Variants in PDE10A observed in about 807,000 individuals in gnomAD.
PDE10A encodes the protein phosphodiesterase 10A, also known as cAMP and cAMP-inhibited cGMP 3',5'-cyclic phosphodiesterase 10A.
A neutral mutation model predicts 97.7 loss-of-function variants in PDE10A; 39 were observed. That is an observed-to-expected ratio of 0.40 (90% CI 0.31 to 0.52). The LOEUF (loss-of-function observed/expected upper bound fraction) is 0.52. Among genes scored for constraint, PDE10A ranks in the 20% least tolerant of loss-of-function variants. The pLI is 0.56. For synonymous variants in PDE10A, 371 were observed against 376.8 expected, an observed-to-expected ratio of 0.98 and a Z score of 0.18; for missense variants, 731 against 1,047.8, an observed-to-expected ratio of 0.70 and a Z score of 4.17.
chr6:165,721,638 C>T (rs1792169970), intron 1 of PDE10A, among the ~76,000 whole-genome samples: 1 of 152,130 alleles, frequency 6.6e-6, no homozygotes, highest in Admixed American at 6.5e-5. Flanking sequence ...ATCAACAGAA[C>T]AAGAAGGATA....
chr6:165,596,499 T>C (rs1267455562), intron 1 of PDE10A, among the ~76,000 whole-genome samples: 1 of 152,146 alleles, frequency 6.6e-6, no homozygotes, highest in Non-Finnish European at 1.5e-5. Flanking sequence ...GTGGCTGAGG[T>C]GAGAGGATCA....
At chr6:165,799,368 T>C (rs377529311) in intron 1 of PDE10A, among the ~76,000 whole-genome samples, 1 of 152,358 alleles carries the variant, frequency 6.6e-6, no homozygotes, top group South Asian at 2.1e-4. Flanking sequence ...AAAATCAATT[T>C]TGAAGGGCAT....
At chr6:165,795,364 T>C (rs1300777764) in intron 1 of PDE10A, among the ~76,000 whole-genome samples, 4 of 152,194 alleles carry the variant, frequency 2.6e-5, no homozygotes, top group Non-Finnish European at 4.4e-5. Flanking sequence ...TCCACCGTCG[T>C]GGTGCCCAGC....
chr6:165,409,794 C>T (rs968488702), intron 13 of PDE10A: 2 of 151,556 alleles, frequency 1.3e-5, no homozygotes, highest in Admixed American at 1.3e-4. Flanking sequence ...TTTCCAATAT[C>T]AACTAATACT....
intron 5 of PDE10A, 112 bp downstream of exon 5, chr6:165,448,816 T>C: frequency 1.5e-6 from 1 of 666,446 alleles, no homozygotes; most frequent in Non-Finnish European, 2.6e-6. Flanking sequence ...AAACACAAAA[T>C]GATTTAAATG....
chr6:165,752,655 C>T (rs566078969), intron 1 of PDE10A, among the ~76,000 whole-genome samples: 1 of 152,284 alleles, frequency 6.6e-6, no homozygotes, highest in Non-Finnish European at 1.5e-5. Flanking sequence ...GTCCCTTTGC[C>T]AAACATTCCA....
chr6:165,529,654 C>T (rs1782656232), intron 2 of PDE10A, among the ~76,000 whole-genome samples: 1 of 152,130 alleles, frequency 6.6e-6, no homozygotes, highest in Admixed American at 6.6e-5. Context: ...ATCTTTATTT[C>T]CTTTTCTTTT....
chr6:165,356,808 C>T (rs1438494599), intron 18 of PDE10A, among the ~76,000 whole-genome samples: 2 of 152,114 alleles, frequency 1.3e-5, no homozygotes, highest in African/African-American at 2.4e-5. Flanking sequence ...AATTCTAGTA[C>T]ATTTTTTGGA....
intron 1 of PDE10A, among the ~76,000 whole-genome samples, chr6:165,818,776 G>T (rs1167436282): frequency 1.3e-5 from 2 of 152,224 alleles, no homozygotes; most frequent in African/African-American, 4.8e-5. Flanking sequence ...GAATTTATTT[G>T]CAGCAAATCC....
At chr6:165,726,502 A>G (rs990272551) in intron 1 of PDE10A, among the ~76,000 whole-genome samples, 2 of 151,842 alleles carry the variant, frequency 1.3e-5, no homozygotes, top group Non-Finnish European at 2.9e-5. Context: ...GCAAAACCCA[A>G]TGAGAAGAGC....
rs1778104864 is a variant in PDE10A, at chr6:165,774,445, T to C, written c.-615+213084A>G. Among the ~76,000 whole-genome samples the C allele has an allele frequency of 1.4e-5, 2 of 148,104 alleles. 1 individual carries two copies. Among genetic ancestry groups the C allele is most frequent in the Non-Finnish European group, 3.0e-5 (2 of 67,250 alleles). On this transcript the variant is annotated intron_variant, in intron 1 of 19. Coordinates refer to the PDE10A transcript ENST00000366882. The stretch of plus-strand genomic sequence containing the variant: ...TGCTCTTGAATATACGTATATATAA[T>C]AAAAATATAAAATAAACATGTATAT...
rs1790351333 is a variant in PDE10A at position 165,662,737 on chromosome 6, G to A, written c.75C>T (p.Cys25=). The change falls in exon 1 of 22, where the codon TGC becomes TGT. Residue 25 remains cysteine (C), a synonymous_variant. Coordinates refer to ENST00000539869, the MANE Select transcript of PDE10A (RefSeq NM_001385079.1). ...PLPAAGDEPG[C]GPGKLRPEPR... ...GTTCCGGGCGGAGTTTGCCGGGGCC[G>A]CAGCCCGGCTCGTCCCCGGCCGCTG... 6.8e-6 allele frequency among the ~76,000 whole-genome samples: 1 copy of A among 148,112 alleles called. No homozygotes were observed. Among genetic ancestry groups the A allele is most frequent in the Admixed American group, 6.7e-5 (1 of 14,978 alleles).
intron 1 of PDE10A, among the ~76,000 whole-genome samples, chr6:165,905,137 C>T (rs1782226310): frequency 6.6e-6 from 1 of 152,246 alleles, no homozygotes; most frequent in African/African-American, 2.4e-5. Flanking sequence ...TTATGCAGAG[C>T]CAAAGCCATT....
intron 1 of PDE10A, among the ~76,000 whole-genome samples, chr6:165,980,896 T>A (rs1784994236): frequency 6.6e-6 from 1 of 152,196 alleles, no homozygotes; most frequent in African/African-American, 2.4e-5. Flanking sequence ...GTTGGGCAGT[T>A]CTTTTTATTA....
intron 3 of PDE10A, among the ~76,000 whole-genome samples, chr6:165,458,713 T>C (rs1271412696): frequency 3.3e-5 from 5 of 152,098 alleles, no homozygotes; most frequent in African/African-American, 9.7e-5. Context: ...TTTATAAATA[T>C]GTTTTAATAT....
At chr6:165,972,348 C>T (rs945234198) in intron 1 of PDE10A, among the ~76,000 whole-genome samples, 1 of 152,136 alleles carries the variant, frequency 6.6e-6, no homozygotes, top group Non-Finnish European at 1.5e-5. Flanking sequence ...CACACTCTCT[C>T]TGCTGGCCAC....
At chr6:165,984,815 GC>G (rs1785134615) in intron 1 of PDE10A, among the ~76,000 whole-genome samples, 1 of 152,218 alleles carries the variant, frequency 6.6e-6, no homozygotes, top group Admixed American at 6.5e-5. Context: ...TTTGAGGTAA[GC>G]GGTGGGATTC....
intron 7 of PDE10A, among the ~76,000 whole-genome samples, chr6:165,431,931 T>C (rs1055785389): frequency 6.6e-6 from 1 of 152,168 alleles, no homozygotes; most frequent in Non-Finnish European, 1.5e-5. Flanking sequence ...AGCAATCTAA[T>C]GACCACTTTA....
At chr6:165,469,512 C>T (rs561748909) in intron 3 of PDE10A, among the ~76,000 whole-genome samples, 3 of 152,276 alleles carry the variant, frequency 2.0e-5, no homozygotes, top group East Asian at 1.9e-4. Context: ...TTTTTCTCTC[C>T]GGTTTTCACA....
Sources: allele counts gnomAD v4.1 joint callset (sites outside exome capture counted in the v4.1 genomes callset), GRCh38; gene constraint gnomAD v4.1.1; transcripts MANE v1.5; gene names NCBI Gene and HGNC (gene_info 2026-07-23, HGNC 2026-07-21).